Variants in TMEM132D observed in about 807,000 individuals in gnomAD.
TMEM132D encodes transmembrane protein 132D, also known as mature OL transmembrane protein.
Under a neutral mutation model 62.3 loss-of-function variants are expected in TMEM132D, and 21 were observed. That is an observed-to-expected ratio of 0.34 (90% CI 0.24 to 0.49). The LOEUF (loss-of-function observed/expected upper bound fraction) is 0.49, where lower values mean the gene tolerates loss of function less well. TMEM132D is among the 20% of genes least tolerant of loss of function. The probability of loss-of-function intolerance (pLI) is 0.99; values close to 1 mark genes in which losing one functional copy is unlikely to be tolerated. For synonymous variants in TMEM132D, 621 were observed against 575.6 expected (o/e 1.08, Z -1.13); for missense variants, 1,346 against 1,402.8 (o/e 0.96, Z 0.65).
Position 129,073,591 on chromosome 12 carries a change from C to T in TMEM132D, c.*284G>A, listed in dbSNP as rs533653423. On this transcript the variant is annotated 3_prime_UTR_variant, in exon 9 of 9. Coordinates refer to ENST00000422113, the MANE Select transcript of TMEM132D (RefSeq NM_133448.3). ...GAGAGAGAGGCTGTTCTTTCCTGGACGCTCTCAGACGCTCAGTGATTCAGA... is the reference window on the plus strand; with the variant it reads ...GAGAGAGAGGCTGTTCTTTCCTGGATGCTCTCAGACGCTCAGTGATTCAGA... The T allele has an allele frequency of 1.8e-3, 585 of 333,474 alleles. 1 individual carries two copies. The highest frequency in any genetic ancestry group is 2.5e-3 in the Non-Finnish European group (456 of 184,012). 20.7% of individuals were successfully genotyped at this position (333,474 alleles called of 1,614,324 possible).
chr12:129,657,098 T>G (rs1880106209), intron 2 of TMEM132D, among the ~76,000 whole-genome samples: 1 of 152,260 alleles, frequency 6.6e-6, no homozygotes, highest in South Asian at 2.1e-4. Context: ...CAGCTTAGAC[T>G]CACGGAAGTT....
Position 129,150,827 on chromosome 12 carries a change from G to A in TMEM132D, c.1443+58693C>T, listed in dbSNP as rs540428657. On this transcript the variant is annotated intron_variant, in intron 5 of 8. Coordinates refer to ENST00000422113, the MANE Select transcript of TMEM132D (RefSeq NM_133448.3). ...CTGTCCCCGTGACAGGGTCAGCTGT[G>A]GCCCCGGACTAAAGTGATCTAGAGG... is the stretch of plus-strand genomic sequence containing the variant. Among the ~76,000 whole-genome samples the A allele has an allele frequency of 5.3e-5, 8 of 152,358 alleles. No homozygotes were observed. The East Asian group carries it at 5.8e-4, about 11-fold the overall frequency.
chr12:129,572,471 G>A (rs952901794), intron 2 of TMEM132D, among the ~76,000 whole-genome samples: 3 of 151,846 alleles, frequency 2.0e-5, no homozygotes, highest in Admixed American at 6.6e-5. Flanking sequence ...TTGTTGAGAC[G>A]GAGTTTCACT....
chr12:129,749,938 T>C (rs1869944728), intron 1 of TMEM132D, among the ~76,000 whole-genome samples: 1 of 152,132 alleles, frequency 6.6e-6, no homozygotes. Flanking sequence ...CCTTTTCCCT[T>C]CCTGTGGCAG....
intron 2 of TMEM132D, among the ~76,000 whole-genome samples, chr12:129,669,471 G>A (rs11060490): frequency 0.23 from 35,454 of 151,990 alleles, 4,472 homozygotes; most frequent in African/African-American, 0.31. Context: ...CTGAGAGGCC[G>A]AGGTGGGCAG....
At chr12:129,307,260 A>G (rs1490989365) in intron 4 of TMEM132D, among the ~76,000 whole-genome samples, 1 of 152,184 alleles carries the variant, frequency 6.6e-6, no homozygotes, top group African/African-American at 2.4e-5. Flanking sequence ...GTATAATCCA[A>G]CCAAGTGACA....
chr12:129,550,330 C>A (rs1876859604), intron 2 of TMEM132D, among the ~76,000 whole-genome samples: 1 of 152,124 alleles, frequency 6.6e-6, no homozygotes, highest in Admixed American at 6.5e-5. Flanking sequence ...ATTCCTCTGC[C>A]TTTACAACTG....
chr12:129,675,871 T>C (rs1175119638), intron 2 of TMEM132D, among the ~76,000 whole-genome samples: 1 of 152,142 alleles, frequency 6.6e-6, no homozygotes, highest in Admixed American at 6.5e-5. Flanking sequence ...AGGGAAAAAC[T>C]TAACCATAGA....
intron 2 of TMEM132D, among the ~76,000 whole-genome samples, chr12:129,600,832 G>T (rs538493004): frequency 6.6e-6 from 1 of 152,148 alleles, no homozygotes; most frequent in Admixed American, 6.5e-5. Context: ...AGGCTTTGTT[G>T]TTCCATTTAT....
At chr12:129,758,315 A>T (rs4759599) in intron 1 of TMEM132D, among the ~76,000 whole-genome samples, 4 of 152,188 alleles carry the variant, frequency 2.6e-5, no homozygotes, top group South Asian at 4.1e-4. Context: ...CTTCAACTCG[A>T]ATAATTCCTA....
At chr12:129,823,531 G>A (rs1177923743) in intron 1 of TMEM132D, among the ~76,000 whole-genome samples, 1 of 152,268 alleles carries the variant, frequency 6.6e-6, no homozygotes, top group Non-Finnish European at 1.5e-5. Context: ...TTTGTAAGGA[G>A]AGCGGGCTCA....
chr12:129,077,625 A>G (rs1874307729), intron 8 of TMEM132D, among the ~76,000 whole-genome samples: 1 of 152,012 alleles, frequency 6.6e-6, no homozygotes, highest in Non-Finnish European at 1.5e-5. Context: ...ACACAACAGA[A>G]AATACACAAG....
intron 2 of TMEM132D, among the ~76,000 whole-genome samples, chr12:129,610,729 T>G (rs1343587177): frequency 1.3e-5 from 2 of 150,044 alleles, no homozygotes; most frequent in Non-Finnish European, 3.0e-5. Context: ...AAGTAATTGA[T>G]GATGTTAACA....
intron 4 of TMEM132D, among the ~76,000 whole-genome samples, chr12:129,320,646 T>C (rs1868669114): frequency 6.6e-6 from 1 of 152,110 alleles, no homozygotes; most frequent in African/African-American, 2.4e-5. Context: ...AAGTATGAGA[T>C]AAGGACATCA....
intron 1 of TMEM132D, among the ~76,000 whole-genome samples, chr12:129,846,693 A>T (rs77081659): frequency 0.012 from 1,872 of 152,250 alleles, 40 homozygotes; most frequent in African/African-American, 0.042. Context: ...TTGAGAATAT[A>T]TTCTCCTGAC....
chr12:129,119,837 T>C lies in TMEM132D; in HGVS notation c.1444-35135A>G, dbSNP rs12296598. Among the ~76,000 whole-genome samples, 881 of 152,154 alleles carry C rather than the reference T, an allele frequency of 5.8e-3. 7 individuals are homozygous for C. The highest frequency in any genetic ancestry group is 0.02 in the African/African-American group (837 of 41,488). The stretch of plus-strand genomic sequence containing the variant: ...AAACAGATGTAAATTCAACTAGTGG[T>C]GGGCTCTAAGAAAAATAAAATAGGG... On this transcript the variant is annotated intron_variant, in intron 5 of 8. Transcript: ENST00000422113.
chr12:129,890,010 G>A (rs574154322), intron 1 of TMEM132D, among the ~76,000 whole-genome samples: 21 of 152,286 alleles, frequency 1.4e-4, no homozygotes, highest in East Asian at 9.7e-4. Flanking sequence ...ATATTCTAAC[G>A]TGGCTTTTTG....
intron 3 of TMEM132D, among the ~76,000 whole-genome samples, chr12:129,513,988 C>T (rs565570514): frequency 7.3e-5 from 11 of 151,162 alleles, no homozygotes; most frequent in South Asian, 2.1e-4. Context: ...CAGGCGCCCG[C>T]CACCACGCCT....
At position 129,521,071 on chromosome 12, in the gene TMEM132D, T is replaced by A. The variant is rs763086537; in HGVS notation, c.1115+9988A>T. Among the ~76,000 whole-genome samples the A allele has an allele frequency of 8.5e-5, 13 of 152,208 alleles. 1 individual carries two copies. The highest frequency in any genetic ancestry group is 1.8e-4 in the Non-Finnish European group (12 of 68,038). ...TTTCTTATATTTACACAGTCCCAGT[T>A]GATGTCTCTTGTAGACTTTGAATTT... On this transcript the variant is annotated intron_variant, in intron 3 of 8. Transcript: ENST00000422113.
Sources: gnomAD v4.1 joint callset for allele counts (sites outside exome capture counted in the v4.1 genomes callset) on GRCh38, gnomAD v4.1.1 for gene constraint, MANE v1.5 for transcripts, NCBI Gene and HGNC (gene_info 2026-07-23, HGNC 2026-07-21) for gene names.